The following NELL1 variants were observed in gnomAD, a reference collection of about 807,000 sequenced individuals.
NELL1 encodes the protein protein kinase C-binding protein NELL1.
NELL1 carries 76 observed loss-of-function variants against 107.4 expected under a neutral mutation model. The ratio of observed to expected loss-of-function variants is 0.71; its 90% CI spans 0.59 to 0.86. The LOEUF is 0.86. NELL1 is among the 40% of genes least tolerant of loss of function. The pLI, the probability that NELL1 is intolerant of heterozygous loss-of-function variation, is 0.00. For synonymous variants in NELL1, 353 were observed against 341.2 expected, an observed-to-expected ratio of 1.03 and a Z score of -0.38; for missense variants, 1,024 against 1,005.5, an observed-to-expected ratio of 1.02 and a Z score of -0.25.
chr11:21,514,363 C>A (rs1214534615), intron 15 of NELL1, among the ~76,000 whole-genome samples: 1 of 152,054 alleles, frequency 6.6e-6, no homozygotes, highest in Admixed American at 6.5e-5. Context: ...TAGAGGTGTG[C>A]CAGCCAAAGA....
rs552432909 is a variant in NELL1, at chr11:20,776,754, G to A, written c.185-6926G>A. 3.9e-5 allele frequency among the ~76,000 whole-genome samples: 6 copies of A among 152,220 alleles called. No individual in the cohort carries two copies. The East Asian group carries it at 1.2e-3, about 30-fold the overall frequency. ...GTTAGGCTTGTGGTGCTAGAATGCG[G>A]GAGTGTGGGCTGTGGGGGAGAGGAA... On this transcript the variant is annotated intron_variant, in intron 2 of 19. Coordinates refer to ENST00000357134, the MANE Select transcript of NELL1 (RefSeq NM_006157.5).
chr11:21,010,288 C>T (rs893028809), intron 12 of NELL1, among the ~76,000 whole-genome samples: 1 of 151,932 alleles, frequency 6.6e-6, no homozygotes, highest in African/African-American at 2.4e-5. Flanking sequence ...GCTTGTATTG[C>T]TATATTTTAT....
intron 3 of NELL1, among the ~76,000 whole-genome samples, chr11:20,836,923 G>A (rs1440978532): frequency 2.0e-5 from 3 of 152,068 alleles, no homozygotes; most frequent in African/African-American, 7.2e-5. Flanking sequence ...GAACCTTACA[G>A]CACAGAGAGT....
At chr11:21,336,575 A>C (rs912750942) in intron 14 of NELL1, among the ~76,000 whole-genome samples, 7 of 151,720 alleles carry the variant, frequency 4.6e-5, no homozygotes, top group Non-Finnish European at 7.4e-5. Flanking sequence ...GAACAGACAA[A>C]GGCTACACTA....
chr11:21,025,970 A>G (rs1032900454), intron 12 of NELL1, among the ~76,000 whole-genome samples: 1 of 152,174 alleles, frequency 6.6e-6, no homozygotes, highest in Non-Finnish European at 1.5e-5. Context: ...TCAATTCATT[A>G]GTAAATCCTG....
At chr11:20,937,158 C>T (rs1222079178) in intron 9 of NELL1, among the ~76,000 whole-genome samples, 4 of 152,178 alleles carry the variant, frequency 2.6e-5, no homozygotes, top group South Asian at 2.1e-4. Context: ...GTAGGAGCTC[C>T]GTTTATGTTT....
chr11:21,149,845 G>T (rs921006299), intron 13 of NELL1, among the ~76,000 whole-genome samples: 1 of 151,980 alleles, frequency 6.6e-6, no homozygotes, highest in African/African-American at 2.4e-5. Flanking sequence ...GGCAATTTCA[G>T]GTAGGAATAA....
chr11:20,963,363 C>T (rs897217783), intron 12 of NELL1, among the ~76,000 whole-genome samples: 16 of 151,970 alleles, frequency 1.1e-4, no homozygotes, highest in African/African-American at 1.9e-4. Context: ...ACTTCTAGAC[C>T]GATGTTTGAG....
chr11:20,856,630 C>A (rs1017324), intron 4 of NELL1, among the ~76,000 whole-genome samples: 97,140 of 152,078 alleles, frequency 0.64, 32,936 homozygotes, highest in Non-Finnish European at 0.76. Flanking sequence ...CTAATCCTTC[C>A]ATGTACTTTT....
intron 12 of NELL1, among the ~76,000 whole-genome samples, chr11:21,055,489 G>C (rs1853590457): frequency 6.6e-6 from 1 of 152,024 alleles, no homozygotes; most frequent in Non-Finnish European, 1.5e-5. Context: ...AAATTTTGAA[G>C]CTTATTTTCT....
chr11:20,806,725 TTTTA>T (rs529860317), intron 3 of NELL1, among the ~76,000 whole-genome samples: 1 of 152,184 alleles, frequency 6.6e-6, no homozygotes, highest in East Asian at 1.9e-4. Flanking sequence ...CTTCATAGTG[TTTTA>T]TTTATTTATT....
intron 11 of NELL1, among the ~76,000 whole-genome samples, chr11:20,955,393 T>C (rs1192352348): frequency 1.3e-5 from 2 of 152,224 alleles, no homozygotes; most frequent in Non-Finnish European, 2.9e-5. Context: ...AACCAGGTTT[T>C]GCTATCTGAG....
intron 15 of NELL1, among the ~76,000 whole-genome samples, chr11:21,382,245 A>C (rs576542662): frequency 1.3e-5 from 2 of 151,918 alleles, no homozygotes; most frequent in African/African-American, 4.8e-5. Flanking sequence ...TAATCATCCA[A>C]ATATGTGGAA....
At chr11:21,479,942 T>C (rs1854450375) in intron 15 of NELL1, among the ~76,000 whole-genome samples, 1 of 152,178 alleles carries the variant, frequency 6.6e-6, no homozygotes, top group Non-Finnish European at 1.5e-5. Flanking sequence ...CTCTAAGTCA[T>C]TCATCTTTTC....
intron 14 of NELL1, among the ~76,000 whole-genome samples, chr11:21,305,779 A>G (rs1849592619): frequency 6.6e-6 from 1 of 152,008 alleles, no homozygotes; most frequent in South Asian, 2.1e-4. Context: ...TCCTTTTAAA[A>G]TAGCTGCATA....
chr11:20,996,872 T>C (rs1852101859), intron 12 of NELL1, among the ~76,000 whole-genome samples: 1 of 152,184 alleles, frequency 6.6e-6, no homozygotes, highest in Non-Finnish European at 1.5e-5. Context: ...TTAACACCTT[T>C]GTTCTCCTTA....
At chr11:20,954,766 G>A (rs935190757) in intron 11 of NELL1, among the ~76,000 whole-genome samples, 22 of 152,148 alleles carry the variant, frequency 1.4e-4, no homozygotes, top group African/African-American at 5.1e-4. Context: ...TTGACCTGAA[G>A]GTGAGTTTGT....
chr11:20,683,478 G>C (rs78758917), intron 2 of NELL1, among the ~76,000 whole-genome samples: 9,009 of 151,930 alleles, frequency 0.059, 911 homozygotes, highest in African/African-American at 0.21. Flanking sequence ...CTCTCCCGCT[G>C]GAAGTAGTCC....
intron 13 of NELL1, among the ~76,000 whole-genome samples, chr11:21,145,216 A>C (rs1791879): frequency 2.0e-5 from 3 of 152,026 alleles, no homozygotes; most frequent in Non-Finnish European, 4.4e-5. Flanking sequence ...ATAACAATTC[A>C]GTGAGTAGGT....
Sources: gnomAD v4.1 joint callset for allele counts (sites outside exome capture counted in the v4.1 genomes callset) on GRCh38, gnomAD v4.1.1 for gene constraint, MANE v1.5 for transcripts, NCBI Gene and HGNC (gene_info 2026-07-23, HGNC 2026-07-21) for gene names.